The following KALRN variants were observed in gnomAD, a reference collection of about 807,000 sequenced individuals.
KALRN encodes kalirin RhoGEF kinase.
KALRN carries 70 observed loss-of-function variants against 353.7 expected under a neutral mutation model. The ratio of observed to expected loss-of-function variants is 0.20; its 90% confidence interval spans 0.16 to 0.24. The LOEUF (loss-of-function observed/expected upper bound fraction) is 0.24. KALRN is among the 10% of genes least tolerant of loss of function. The pLI is 1.00. For missense variants in KALRN, 2,791 were observed against 3,756.7 expected (o/e 0.74, Z 6.72); for synonymous variants, 1,391 against 1,434.8 (o/e 0.97, Z 0.69).
intron 33 of KALRN, among the ~76,000 whole-genome samples, chr3:124,520,807 A>G (rs2067100981): frequency 1.3e-5 from 2 of 152,344 alleles, no homozygotes; most frequent in Admixed American, 6.5e-5. Context: ...AAGTACCAGG[A>G]AGACACTTGA....
chr3:124,134,006 C>G (rs553603200), intron 1 of KALRN, among the ~76,000 whole-genome samples: 1 of 152,216 alleles, frequency 6.6e-6, no homozygotes, highest in South Asian at 2.1e-4. Flanking sequence ...CACCATCGTT[C>G]CTCACACAGT....
At position 124,584,059 on chromosome 3, in the gene KALRN, A is replaced by AT. The variant is rs796275172; in HGVS notation, c.5182+20980dup. On this transcript the variant is annotated intron_variant, in intron 34 of 59. Coordinates refer to ENST00000682506, the MANE Select transcript of KALRN (RefSeq NM_001388419.1). The stretch of plus-strand genomic sequence containing the variant: ...CCGTGGAATATAGGAATTCTTTTAC[A>AT]TTTTTTTTTTAAATGGGGAAACTGA... Among the ~76,000 whole-genome samples the AT allele has an allele frequency of 9.3e-3, 1,403 of 150,178 alleles. 28 individuals are homozygous for AT. The highest frequency in any genetic ancestry group is 0.031 in the African/African-American group (1,284 of 41,004).
intron 6 of KALRN, among the ~76,000 whole-genome samples, chr3:124,321,312 CAT>C (rs1254700067): frequency 6.6e-6 from 1 of 152,204 alleles, no homozygotes; most frequent in Non-Finnish European, 1.5e-5. Context: ...GCCCCTGACA[CAT>C]AACTTAAGGT....
chr3:124,269,704 G>A (rs2073940481), intron 5 of KALRN, among the ~76,000 whole-genome samples: 1 of 152,206 alleles, frequency 6.6e-6, no homozygotes, highest in East Asian at 1.9e-4. Context: ...AGTGATTATG[G>A]CCCTGCAATG....
chr3:124,444,528 T>C lies in KALRN; in HGVS notation c.3314-1633T>C, dbSNP rs553576093. Among the ~76,000 whole-genome samples, 77 of 152,088 alleles carry C rather than the reference T, an allele frequency of 5.1e-4. 1 individual carries two copies. In the South Asian group the frequency reaches 0.016, roughly 31 times the overall value. On this transcript the variant is annotated intron_variant, in intron 19 of 59. Transcript: ENST00000682506. Reference sequence around the variant, plus strand: ...TGGACCCAAAAAAGGCTGAGCACGGTGGCTCGCGCCTGTAATCCTAGCACT... The same window carrying C: ...TGGACCCAAAAAAGGCTGAGCACGGCGGCTCGCGCCTGTAATCCTAGCACT...
intron 11 of KALRN, among the ~76,000 whole-genome samples, chr3:124,391,972 A>G (rs1432246336): frequency 1.3e-5 from 2 of 152,222 alleles, no homozygotes; most frequent in African/African-American, 4.8e-5. Context: ...CAAACTCCAA[A>G]ATGAAGGACT....
intron 34 of KALRN, among the ~76,000 whole-genome samples, chr3:124,631,175 C>T (rs942756812): frequency 3.9e-5 from 6 of 152,220 alleles, no homozygotes; most frequent in Admixed American, 2.0e-4. Context: ...CTTGTCCTCT[C>T]GTCTTCCTGC....
intron 1 of KALRN, among the ~76,000 whole-genome samples, chr3:124,046,586 G>A (rs1254047665): frequency 1.3e-5 from 2 of 152,172 alleles, no homozygotes; most frequent in African/African-American, 4.8e-5. Context: ...GGTATGTCTG[G>A]TTCTGACTCT....
rs780998165 is a variant in KALRN, at chr3:124,490,856, C to T, written c.4559C>T (p.Thr1520Met). The stretch of plus-strand genomic sequence containing the variant: ...GAGATCAAAGATTCTTCAGGACACA[C>T]GAAATATGTTTACAAGAACAAGCTA... Reference protein sequence around the residue: ...SKEIKDSSGHTKYVYKNKLLT... With the variant: ...SKEIKDSSGHMKYVYKNKLLT... Residue 1520 changes from threonine (T) to methionine (M), a missense_variant, in exon 30 of 60, where the codon ACG (threonine) becomes ATG (methionine). Around this residue, in one of 11 missense-constraint regions of KALRN, gnomAD observed 239 missense variants for 351.3 expected, o/e 0.68. Transcript: ENST00000682506. The T allele has an allele frequency of 1.8e-5, 29 of 1,613,110 alleles. No homozygotes were observed. The highest frequency in any genetic ancestry group is 6.7e-5 in the Admixed American group (4 of 59,962).
At chr3:124,361,881 A>AGTAGTGATGGTGGCAGCAGTGGGGGTGG (rs2084082536) in intron 10 of KALRN, among the ~76,000 whole-genome samples, 3 of 151,688 alleles carry the variant, frequency 2.0e-5, no homozygotes, top group Non-Finnish European at 4.4e-5. Flanking sequence ...GGTGGTGGGG[A>AGTAGTGATGGTGGCAGCAGTGGGGGTGG]GAGCTTCAGA....
chr3:124,486,878 G>A lies in KALRN; in HGVS notation c.4285-1326G>A, dbSNP rs79339726. ...CATAGCTTATGTGACACCTTCCAGA[G>A]AGCTATGCCTCTAAAGCCACAGATT... On this transcript the variant is annotated intron_variant, in intron 28 of 59. Coordinates refer to ENST00000682506, the MANE Select transcript of KALRN (RefSeq NM_001388419.1). Among the ~76,000 whole-genome samples, 986 of 152,260 alleles carry A rather than the reference G, an allele frequency of 6.5e-3. 6 individuals are homozygous for A. The highest frequency in any genetic ancestry group is 0.01 in the Non-Finnish European group (683 of 68,022).
chr3:124,286,075 T>TTTCCTTCC (rs201099722), intron 5 of KALRN, among the ~76,000 whole-genome samples: 28 of 134,874 alleles, frequency 2.1e-4, no homozygotes, highest in Non-Finnish European at 3.3e-4. Context: ...TCTTTCTTTC[T>TTTCCTTCC]TTCCTTCCTT....
chr3:124,167,989 G>A (rs1029356347), intron 1 of KALRN, among the ~76,000 whole-genome samples: 6 of 152,254 alleles, frequency 3.9e-5, no homozygotes, highest in African/African-American at 1.4e-4. Flanking sequence ...TATAGTTAGG[G>A]AGCTGCTAAG....
intron 1 of KALRN, among the ~76,000 whole-genome samples, chr3:124,067,087 T>G (rs536264307): frequency 6.6e-6 from 1 of 152,202 alleles, no homozygotes; most frequent in African/African-American, 2.4e-5. Flanking sequence ...ATTTAGTCTA[T>G]TTGCCTCATT....
At chr3:124,685,843 G>A (rs1457009670) in intron 51 of KALRN, among the ~76,000 whole-genome samples, 4 of 152,052 alleles carry the variant, frequency 2.6e-5, no homozygotes, top group East Asian at 1.9e-4. Flanking sequence ...AACCCGTTTC[G>A]TTTACGTTGT....
At chr3:124,444,507 C>T (rs1197186177) in intron 19 of KALRN, among the ~76,000 whole-genome samples, 1 of 151,852 alleles carries the variant, frequency 6.6e-6, no homozygotes, top group African/African-American at 2.4e-5. Flanking sequence ...AATGATTGGA[C>T]CCAAAAAAGG....
chr3:124,299,032 G>A, intron 6 of KALRN, 119 bp downstream of exon 6: 2 of 1,354,324 alleles, frequency 1.5e-6, no homozygotes, highest in Non-Finnish European at 2.1e-6. Context: ...CTGACCCTTT[G>A]GTGTTCCATT....
At chr3:124,106,521 C>T (rs900059618) in intron 1 of KALRN, among the ~76,000 whole-genome samples, 2 of 152,144 alleles carry the variant, frequency 1.3e-5, no homozygotes, top group Non-Finnish European at 2.9e-5. Context: ...TATCATCAAA[C>T]TCACCTCCAA....
intron 3 of KALRN, among the ~76,000 whole-genome samples, chr3:124,255,342 T>C (rs1045333337): frequency 6.6e-6 from 1 of 152,220 alleles, no homozygotes; most frequent in Non-Finnish European, 1.5e-5. Flanking sequence ...AGACTTATCA[T>C]AACTTGCATT....
Sources: allele counts gnomAD v4.1 joint callset (sites outside exome capture counted in the v4.1 genomes callset), GRCh38; gene constraint gnomAD v4.1.1; regional missense constraint gnomAD v4.1.1; transcripts MANE v1.5; gene names NCBI Gene and HGNC (gene_info 2026-07-23, HGNC 2026-07-21).